The following PLXNA4 variants were observed in gnomAD, a reference collection of about 807,000 sequenced individuals.
The protein encoded by PLXNA4 is plexin-A4.
Under a neutral mutation model 191.8 loss-of-function variants are expected in PLXNA4, and 44 were observed. That is an observed-to-expected ratio of 0.23 (90% CI 0.18 to 0.29). The LOEUF is 0.29. PLXNA4 is among the 10% of genes least tolerant of loss of function. The pLI is 1.00. For missense variants in PLXNA4, 1,800 were observed against 2,488.8 expected, an observed-to-expected ratio of 0.72 and a Z score of 5.89; for synonymous variants, 1,082 against 1,009.5, an observed-to-expected ratio of 1.07 and a Z score of -1.36.
At chr7:132,492,095 T>C (rs933624173) in intron 2 of PLXNA4, among the ~76,000 whole-genome samples, 1 of 152,210 alleles carries the variant, frequency 6.6e-6, no homozygotes, top group Admixed American at 6.5e-5. Flanking sequence ...TCGCAAACTC[T>C]GTACATCACC....
At chr7:132,151,407 G>A (rs1212091452) in intron 25 of PLXNA4, among the ~76,000 whole-genome samples, 2 of 30,962 alleles carry the variant, frequency 6.5e-5, no homozygotes, top group South Asian at 1.2e-3. Flanking sequence ...AGGAGGAGGA[G>A]GAAGGAGGAG....
chr7:132,476,444 T>C (rs1229281547), intron 3 of PLXNA4, among the ~76,000 whole-genome samples: 1 of 152,212 alleles, frequency 6.6e-6, no homozygotes, highest in Non-Finnish European at 1.5e-5. Context: ...TAAAAATCAA[T>C]GTTTTTCAAT....
intron 3 of PLXNA4, among the ~76,000 whole-genome samples, chr7:132,391,633 G>A (rs899287705): frequency 5.3e-5 from 8 of 152,196 alleles, no homozygotes; most frequent in African/African-American, 1.9e-4. Flanking sequence ...TACCCAGCAG[G>A]GGTGGACAGT....
chr7:132,181,354 C>T, intron 18 of PLXNA4, 27 bp downstream of exon 18: 1 of 1,612,758 alleles, frequency 6.2e-7, no homozygotes, highest in East Asian at 2.2e-5. Context: ...CTTTTCCCAC[C>T]CCCGCCTCCC....
chr7:132,466,290 T>G (rs1263763696), intron 3 of PLXNA4, among the ~76,000 whole-genome samples: 1 of 152,192 alleles, frequency 6.6e-6, no homozygotes, highest in Non-Finnish European at 1.5e-5. Context: ...CAGCTCAGCC[T>G]GAGCCCAACA....
At chr7:132,600,548 A>G (rs1331325168) in intron 2 of PLXNA4, among the ~76,000 whole-genome samples, 1 of 152,046 alleles carries the variant, frequency 6.6e-6, no homozygotes, top group Non-Finnish European at 1.5e-5. Context: ...TATTTTTTGT[A>G]GAGACAAGAT....
intron 4 of PLXNA4, among the ~76,000 whole-genome samples, chr7:132,254,761 T>TGA (rs1799375075): frequency 6.6e-6 from 1 of 151,878 alleles, no homozygotes; most frequent in African/African-American, 2.4e-5. Flanking sequence ...TTTCAAGGGG[T>TGA]GAGTGGTGGT....
intron 3 of PLXNA4, among the ~76,000 whole-genome samples, chr7:132,458,829 C>T (rs560353562): frequency 6.6e-6 from 1 of 152,076 alleles, no homozygotes; most frequent in African/African-American, 2.4e-5. Context: ...CCCAAGAAAC[C>T]CCAGTTTGGA....
chr7:132,420,741 T>A (rs2288969), intron 3 of PLXNA4, among the ~76,000 whole-genome samples: 1 of 152,048 alleles, frequency 6.6e-6, no homozygotes, highest in African/African-American at 2.4e-5. Context: ...GGACCCAGTG[T>A]GAGGTAATTG....
At chr7:132,306,164 C>T (rs900852003) in intron 3 of PLXNA4, among the ~76,000 whole-genome samples, 1 of 152,124 alleles carries the variant, frequency 6.6e-6, no homozygotes, top group African/African-American at 2.4e-5. Context: ...GCGGAGGCGC[C>T]CCATATTCCA....
intron 4 of PLXNA4, among the ~76,000 whole-genome samples, chr7:132,289,854 G>C (rs1032268107): frequency 2.4e-4 from 35 of 147,438 alleles, no homozygotes; most frequent in African/African-American, 7.1e-4. Flanking sequence ...TTTTTTTTTA[G>C]AGATAGGGTC....
intron 3 of PLXNA4, chr7:132,352,448 T>G (rs1286176811): frequency 6.6e-6 from 1 of 152,222 alleles, no homozygotes; most frequent in Non-Finnish European, 1.5e-5. Context: ...TGGGCGAGAT[T>G]GGCAGTGGGA....
chr7:132,533,045 G>A (rs1307484604), intron 1 of PLXNA4, among the ~76,000 whole-genome samples: 7 of 152,178 alleles, frequency 4.6e-5, no homozygotes, highest in African/African-American at 1.7e-4. Context: ...CTTCCAAACC[G>A]AAGGGATTTC....
At position 132,228,411 on chromosome 7, in the gene PLXNA4, T is replaced by C. The variant is rs1444344304; in HGVS notation, c.1663A>G (p.Met555Val). 4 of 1,613,992 alleles carry C rather than the reference T, an allele frequency of 2.5e-6. No individual in the cohort carries two copies. The African/African-American group carries it at 4.0e-5, about 16-fold the overall frequency. ...ACCGTCAGCCGGACACACTGCTTCA[T>C]CTCCGAGGCAAACCTGCGGGGCTCC... ...SKEPRRFASE[M>V]KQCVRLTVHP... Residue 555 changes from methionine (M) to valine (V), a missense_variant, in exon 6 of 32, where the codon ATG (methionine) becomes GTG (valine). This residue lies in a region of PLXNA4 where 1,397 missense variants were observed against 1,880.4 expected (regional missense o/e 0.74). Coordinates refer to ENST00000321063, the MANE Select transcript of PLXNA4 (RefSeq NM_020911.2).
chr7:132,508,781 TGGAGAAAG>T lies in PLXNA4; in HGVS notation c.-86-10_-86-3del. On this transcript the variant is annotated splice_region_variant and splice_polypyrimidine_tract_variant and intron_variant, in intron 1 of 31. Coordinates refer to ENST00000321063, the MANE Select transcript of PLXNA4 (RefSeq NM_020911.2). The surrounding 1 kb of genome is among the most constrained non-coding windows in gnomAD (Gnocchi z 4.4). ...GACTCAGCAATGCAGTCTCCCCTAC[TGGAGAAAG>T]GGAAGACAATGAGCTGGATAACAAT... is the stretch of plus-strand genomic sequence containing the variant. 7.0e-7 allele frequency: 1 copy of T among 1,436,458 alleles called. No homozygotes were observed. Among genetic ancestry groups the T allele is most frequent in the Non-Finnish European group, 9.1e-7 (1 of 1,099,658 alleles). 89.0% of individuals were successfully genotyped at this position (1,436,458 alleles called of 1,614,324 possible).
At chr7:132,207,353 A>G (rs1017831353) in intron 10 of PLXNA4, among the ~76,000 whole-genome samples, 2 of 152,196 alleles carry the variant, frequency 1.3e-5, no homozygotes, top group Non-Finnish European at 2.9e-5. Flanking sequence ...GGCCCTCACG[A>G]CCAGCACTTC....
At chr7:132,496,299 G>A (rs922800332) in intron 2 of PLXNA4, among the ~76,000 whole-genome samples, 1 of 152,212 alleles carries the variant, frequency 6.6e-6, no homozygotes, top group Non-Finnish European at 1.5e-5. Flanking sequence ...ACTGGGGCCT[G>A]GAGAGTGAGG....
At chr7:132,178,713 T>TACACACACAC (rs56218462) in intron 20 of PLXNA4, among the ~76,000 whole-genome samples, 6,173 of 112,044 alleles carry the variant, frequency 0.055, 500 homozygotes, top group African/African-American at 0.078. Flanking sequence ...CACATACACA[T>TACACACACAC]ACACACACAC....
chr7:132,419,611 C>G (rs959387740), intron 3 of PLXNA4, among the ~76,000 whole-genome samples: 4 of 152,178 alleles, frequency 2.6e-5, no homozygotes, highest in African/African-American at 9.7e-5. Flanking sequence ...TTCTGTTTTT[C>G]TTTTTTGAAT....
Sources: allele counts gnomAD v4.1 joint callset (sites outside exome capture counted in the v4.1 genomes callset), GRCh38; gene constraint gnomAD v4.1.1; regional missense constraint gnomAD v4.1.1; non-coding constraint Gnocchi (gnomAD v3.1); transcripts MANE v1.5; gene names NCBI Gene and HGNC (gene_info 2026-07-23, HGNC 2026-07-21).